PBX4: variants seen among roughly 807,000 people sequenced by gnomAD.
PBX4 encodes pre-B-cell leukemia transcription factor 4.
PBX4 carries 26 observed loss-of-function variants against 35.1 expected under a neutral mutation model. That is an observed-to-expected ratio of 0.74 (90% CI 0.54 to 1.03). The LOEUF is 1.03. Ranked by LOEUF, PBX4 falls within the 50% of genes least tolerant of loss-of-function variation. The pLI is 0.00. For synonymous variants in PBX4, 199 were observed against 204.2 expected (o/e 0.97, Z 0.22); for missense variants, 448 against 504.3 (o/e 0.89, Z 1.07).
chr19:19,589,847 T>G (rs1017762623), intron 2 of PBX4, among the ~76,000 whole-genome samples: 2 of 152,156 alleles, frequency 1.3e-5, no homozygotes, highest in African/African-American at 4.8e-5. Context: ...CAGATCTGCC[T>G]TGTGCTTTCT....
At chr19:19,613,913 C>T (rs2144797174) in intron 1 of PBX4, among the ~76,000 whole-genome samples, 1 of 152,302 alleles carries the variant, frequency 6.6e-6, no homozygotes. Flanking sequence ...TACCTCTACA[C>T]AGCACATTCC....
chr19:19,594,152 T>C (rs1026904674), intron 2 of PBX4, among the ~76,000 whole-genome samples: 48 of 149,164 alleles, frequency 3.2e-4, no homozygotes, highest in African/African-American at 1.2e-3. Flanking sequence ...ATGGCTGTAA[T>C]CCCAGCACTT....
chr19:19,580,280 G>A (rs957788840), intron 2 of PBX4, among the ~76,000 whole-genome samples: 2 of 152,196 alleles, frequency 1.3e-5, no homozygotes, highest in East Asian at 3.9e-4. Flanking sequence ...ACCTTTTGAG[G>A]CTTTTTCAGT....
intron 2 of PBX4, among the ~76,000 whole-genome samples, chr19:19,578,659 A>G (rs990961350): frequency 3.9e-5 from 6 of 152,244 alleles, no homozygotes; most frequent in African/African-American, 1.4e-4. Flanking sequence ...TGTGTGGCAG[A>G]AACTCCAGTA....
At chr19:19,592,557 G>A (rs570744556) in intron 2 of PBX4, among the ~76,000 whole-genome samples, 4 of 152,154 alleles carry the variant, frequency 2.6e-5, no homozygotes, top group Non-Finnish European at 5.9e-5. Context: ...AGTGCATCCG[G>A]TGATGCCAGG....
At chr19:19,572,594 G>C (rs1474949641) in intron 2 of PBX4, among the ~76,000 whole-genome samples, 8 of 152,086 alleles carry the variant, frequency 5.3e-5, no homozygotes, top group Non-Finnish European at 1.0e-4. Context: ...GCTGGGCGCA[G>C]TGGCTCACGC....
intron 5 of PBX4, among the ~76,000 whole-genome samples, chr19:19,568,652 A>G (rs8103250): frequency 0.71 from 88,147 of 124,100 alleles, 31,154 homozygotes; most frequent in East Asian, 0.8. Flanking sequence ...ATCCCTCAGG[A>G]AGCTCACACT....
At chr19:19,578,417 C>A (rs1282757359) in intron 2 of PBX4, among the ~76,000 whole-genome samples, 5 of 152,088 alleles carry the variant, frequency 3.3e-5, no homozygotes, top group Non-Finnish European at 7.3e-5. Context: ...GGTCATTAGA[C>A]ATGCATTACC....
chr19:19,580,845 G>T (rs140921458), intron 2 of PBX4, among the ~76,000 whole-genome samples: 11 of 152,326 alleles, frequency 7.2e-5, no homozygotes, highest in Non-Finnish European at 1.0e-4. Flanking sequence ...TGATCCTCCC[G>T]CCTCAGCCTC....
Position 19,562,041 on chromosome 19 carries a change from G to A in PBX4, c.1109C>T (p.Ser370Phe), listed in dbSNP as rs750067213. ...SPAGDPGSIN[S>F]STSN is the part of the protein sequence containing the mutation. ...CCCCCAAACTTAATTAGATGTACTG[G>A]AGTTGATGCTGCCAGGGTCTCCAGC... Residue 370 changes from serine to phenylalanine, a missense_variant, in exon 8 of 8, where the codon TCC becomes TTC. By Grantham distance (155) the Ser-to-Phe change is radical. Transcript: ENST00000251203. This position sits in a 1 kb window ranked among gnomAD's most constrained non-coding sequence, Gnocchi z 4.8. 18 of 1,613,192 alleles carry A rather than the reference G, an allele frequency of 1.1e-5. No homozygotes were observed. The highest frequency in any genetic ancestry group is 1.4e-5 in the Non-Finnish European group (17 of 1,179,638).
In PBX4 at chr19:19,562,356, G is replaced by A. The variant is rs2061312603; in HGVS notation, c.1033-239C>T. Among the ~76,000 whole-genome samples, 1 of 152,190 alleles carries A rather than the reference G, an allele frequency of 6.6e-6. No homozygotes were observed. Among genetic ancestry groups the A allele is most frequent in the Non-Finnish European group, 1.5e-5 (1 of 68,016 alleles). Reference sequence around the variant, plus strand: ...CCCGGCAGGAAAACTGGCCTCTAGTGGCTTCCCTGGGGCTTAGGCAAAGGA... The same window carrying A: ...CCCGGCAGGAAAACTGGCCTCTAGTAGCTTCCCTGGGGCTTAGGCAAAGGA... On this transcript the variant is annotated intron_variant, in intron 7 of 7. Coordinates refer to ENST00000251203, the MANE Select transcript of PBX4 (RefSeq NM_025245.3). This position sits in a 1 kb window ranked among gnomAD's most constrained non-coding sequence, Gnocchi z 4.8.
At chr19:19,567,432 G>A (rs2061349688) in intron 5 of PBX4, among the ~76,000 whole-genome samples, 1 of 152,206 alleles carries the variant, frequency 6.6e-6, no homozygotes, top group East Asian at 1.9e-4. Context: ...AGAGCATGGT[G>A]GTGAAGGACT....
chr19:19,597,604 T>C (rs1271032026), intron 2 of PBX4, among the ~76,000 whole-genome samples: 3 of 152,192 alleles, frequency 2.0e-5, no homozygotes, highest in Non-Finnish European at 4.4e-5. Context: ...CACACTTTTG[T>C]ACAACATATA....
intron 1 of PBX4, among the ~76,000 whole-genome samples, chr19:19,613,230 C>A (rs1014829446): frequency 1.3e-5 from 2 of 151,140 alleles, no homozygotes; most frequent in African/African-American, 4.9e-5. Context: ...CTTTGGGAGG[C>A]CGAGGTGGGA....
intron 1 of PBX4, among the ~76,000 whole-genome samples, chr19:19,616,097 C>T (rs2061687466): frequency 6.6e-6 from 1 of 152,070 alleles, no homozygotes; most frequent in Non-Finnish European, 1.5e-5. Context: ...TCAACAAGGC[C>T]TCATCCTCCA....
At chr19:19,582,197 G>A (rs938886148) in intron 2 of PBX4, among the ~76,000 whole-genome samples, 2 of 152,176 alleles carry the variant, frequency 1.3e-5, no homozygotes, top group African/African-American at 4.8e-5. Flanking sequence ...CAGTGATACG[G>A]GAGTGGGGCA....
At position 19,562,742 on chromosome 19, in the gene PBX4, C is replaced by T. The variant is rs1265534551; in HGVS notation, c.1033-625G>A. ...CTCAGACGGGTGCACCACCTGGGGG[C>T]ACTCTGCTCTGAACTGGGGTGGACA... On this transcript the variant is annotated intron_variant, in intron 7 of 7. Transcript: ENST00000251203. The surrounding 1 kb of genome is among the most constrained non-coding windows in gnomAD (Gnocchi z 4.8). Among the ~76,000 whole-genome samples, 1 of 152,182 alleles carries T rather than the reference C, an allele frequency of 6.6e-6. No homozygotes were observed. The highest frequency in any genetic ancestry group is 2.4e-5 in the African/African-American group (1 of 41,448).
rs1375016353 is a variant in PBX4 at position 19,618,622 on chromosome 19, G to C, written c.8C>G (p.Ala3Gly). 2 of 1,239,810 alleles carry C rather than the reference G, an allele frequency of 1.6e-6. No individual in the cohort carries two copies. Among genetic ancestry groups the C allele is most frequent in the South Asian group, 7.3e-5 (2 of 27,408 alleles). 76.8% of individuals were successfully genotyped at this position (1,239,810 alleles called of 1,614,324 possible). Residue 3 changes from alanine to glycine, a missense_variant, in exon 1 of 8, where the codon GCC becomes GGC. Transcript: ENST00000251203. ...GGGCGATGGCGCGGGGCGCGGCGGG[G>C]CGGCCATGAGCGGCAGGGCCGGGCG... MA[A>G]PPRPAPSPPA...
At chr19:19,592,036 T>G (rs988111372) in intron 2 of PBX4, among the ~76,000 whole-genome samples, 7 of 151,910 alleles carry the variant, frequency 4.6e-5, no homozygotes, top group African/African-American at 1.7e-4. Flanking sequence ...AGTTTTTGTA[T>G]TTTTAGTAGA....
Sources: gnomAD v4.1 joint callset for allele counts (sites outside exome capture counted in the v4.1 genomes callset) on GRCh38, gnomAD v4.1.1 for gene constraint, Gnocchi (gnomAD v3.1) non-coding constraint, MANE v1.5 for transcripts, NCBI Gene and HGNC (gene_info 2026-07-23, HGNC 2026-07-21) for gene names.